Variants in C14orf39 observed in about 807,000 individuals in gnomAD.
C14orf39 encodes the protein chromosome 14 open reading frame 39, also known as protein SIX6OS1.
A neutral mutation model predicts 85.6 loss-of-function variants in C14orf39; 66 were observed. The observed-to-expected ratio is 0.77, with a 90% CI of 0.63 to 0.95. The LOEUF (loss-of-function observed/expected upper bound fraction) is 0.95. Among genes scored for constraint, C14orf39 ranks in the 40% least tolerant of loss-of-function variants. C14orf39 has a pLI of 0.00. For synonymous variants in C14orf39, 242 were observed against 214.0 expected (o/e 1.13, Z -1.14); for missense variants, 735 against 663.9 (o/e 1.11, Z -1.18).
At chr14:60,449,680 C>A (rs1890946292) in intron 16 of C14orf39, among the ~76,000 whole-genome samples, 1 of 151,888 alleles carries the variant, frequency 6.6e-6, no homozygotes, top group Non-Finnish European at 1.5e-5. Context: ...TTGTTAATTT[C>A]CTCTATTGTT....
chr14:60,488,659 A>G (rs1892940139), upstream of C14orf39, among the ~76,000 whole-genome samples: 1 of 152,122 alleles, frequency 6.6e-6, no homozygotes, highest in Admixed American at 6.5e-5. Flanking sequence ...TTTATTGCTT[A>G]ATTTATCTAA....
intron 1 of C14orf39, chr14:60,509,949 G>T: frequency 6.2e-7 from 1 of 1,607,012 alleles, no homozygotes; most frequent in Non-Finnish European, 8.5e-7. Flanking sequence ...CAAAGGGACC[G>T]AGCGGCTGCA....
intron 2 of C14orf39, among the ~76,000 whole-genome samples, chr14:60,497,101 T>C (rs1422910265): frequency 6.6e-6 from 1 of 152,226 alleles, no homozygotes; most frequent in African/African-American, 2.4e-5. Context: ...AATCCATCTT[T>C]ATGAACTTCT....
rs1893345986 is a variant in C14orf39, at chr14:60,515,111, G to A, written c.-144+284C>T. Reference sequence around the variant, plus strand: ...CGCGCTGGCCCGGGCGCCGAGGCGTGTCCCTGCCTGCGCCGCGCGGCTACC... The same window carrying A: ...CGCGCTGGCCCGGGCGCCGAGGCGTATCCCTGCCTGCGCCGCGCGGCTACC... On this transcript the variant is annotated intron_variant, in intron 1 of 5. Coordinates refer to the C14orf39 transcript ENST00000556799. This position sits in a 1 kb window ranked among gnomAD's most constrained non-coding sequence, Gnocchi z 6.2. The A allele has an allele frequency of 1.3e-5, 2 of 152,226 alleles. No homozygotes were observed. Among genetic ancestry groups the A allele is most frequent in the African/African-American group, 2.4e-5 (1 of 41,564 alleles). 9.4% of individuals were successfully genotyped at this position (152,226 alleles called of 1,614,324 possible). A position where few individuals can be genotyped will look rare whatever the true frequency, so the allele number is the denominator to read the frequency against.
intron 5 of C14orf39, among the ~76,000 whole-genome samples, chr14:60,475,192 G>C (rs1171211956): frequency 1.3e-5 from 2 of 152,122 alleles, no homozygotes; most frequent in African/African-American, 4.8e-5. Context: ...TTGCATAGAG[G>C]TGTTTATAGT....
intron 9 of C14orf39, among the ~76,000 whole-genome samples, chr14:60,467,432 T>C (rs553363098): frequency 2.0e-4 from 30 of 151,954 alleles, no homozygotes; most frequent in Non-Finnish European, 3.8e-4. Flanking sequence ...CCAACATGAA[T>C]ACAGAAATTG....
intron 1 of C14orf39, chr14:60,508,983 T>G (rs976177431): frequency 9.0e-6 from 2 of 223,460 alleles, no homozygotes; most frequent in Non-Finnish European, 1.8e-5. Flanking sequence ...CTCCAGGTTC[T>G]GCAAAATACT....
intron 16 of C14orf39, among the ~76,000 whole-genome samples, chr14:60,448,127 G>T (rs1890862502): frequency 1.3e-5 from 2 of 152,112 alleles, no homozygotes; most frequent in South Asian, 4.1e-4. Context: ...CAGGACACAG[G>T]CATGGCCGAG....
intron 17 of C14orf39, among the ~76,000 whole-genome samples, chr14:60,439,822 C>T (rs1317377359): frequency 6.6e-6 from 1 of 152,140 alleles, no homozygotes; most frequent in Non-Finnish European, 1.5e-5. Flanking sequence ...GCCTGTGATC[C>T]CAGCACTTTG....
intron 1 of C14orf39, among the ~76,000 whole-genome samples, chr14:60,503,097 G>A (rs942363444): frequency 3.3e-5 from 5 of 152,118 alleles, no homozygotes; most frequent in East Asian, 1.9e-4. Context: ...CAAGCTTTAC[G>A]ACACCTCAAG....
At chr14:60,447,023 T>C (rs1890796793) in intron 16 of C14orf39, among the ~76,000 whole-genome samples, 1 of 152,122 alleles carries the variant, frequency 6.6e-6, no homozygotes, top group Non-Finnish European at 1.5e-5. Context: ...AAACTCTCAA[T>C]AAACTAGGTA....
intron 2 of C14orf39, among the ~76,000 whole-genome samples, chr14:60,497,449 A>C (rs1042549893): frequency 1.3e-5 from 2 of 152,248 alleles, no homozygotes; most frequent in African/African-American, 4.8e-5. Flanking sequence ...ACAGTTTGTC[A>C]TAATGACTAT....
rs146507408 is a variant in C14orf39, at chr14:60,509,541, A to G, written c.-144+5854T>C. 3.1e-6 allele frequency: 5 copies of G among 1,610,248 alleles called. No individual in the cohort carries two copies. The highest frequency in any genetic ancestry group is 4.2e-6 in the Non-Finnish European group (5 of 1,179,994). ...GCCCCTGCGGCCTGCGAGGCCCTCA[A>G]CAAGAATGAGTCGGTGCTACGCGCA... On this transcript the variant is annotated intron_variant, in intron 1 of 5. Transcript: ENST00000556799.
rs1289009183 is a variant in C14orf39, at chr14:60,457,092, T to C, written c.1183A>G (p.Ile395Val). ...GACTTCCCAAAATGTTCAGTATATA[T>C]AGCCTGCAAATTCAAAGTAACAGAA... ...VRESKCTSQA[I>V]YTEHFGKSVE... The change falls in exon 15 of 18, where the codon ATA (isoleucine) becomes GTA (valine). Residue 395 changes from isoleucine to valine, a missense_variant. By Grantham distance (29) the Ile-to-Val change is conservative (BLOSUM62 3). Transcript: ENST00000321731. 10 of 1,546,922 alleles carry C rather than the reference T, an allele frequency of 6.5e-6. No individual in the cohort carries two copies. Among genetic ancestry groups the C allele is most frequent in the Admixed American group, 4.4e-5 (2 of 45,614 alleles).
chr14:60,511,111 T>A (rs765698334), intron 1 of C14orf39: 3 of 1,612,840 alleles, frequency 1.9e-6, no homozygotes, highest in Non-Finnish European at 2.5e-6. Context: ...TGTCACAGGG[T>A]TCCGGGCGGG....
intron 16 of C14orf39, among the ~76,000 whole-genome samples, chr14:60,452,253 A>T (rs1367515871): frequency 6.6e-6 from 1 of 152,126 alleles, no homozygotes; most frequent in Non-Finnish European, 1.5e-5. Context: ...AATAAAAAGC[A>T]AGAAATTAAA....
In C14orf39 at chr14:60,461,546, A is replaced by C. The variant is rs1446298963; in HGVS notation, c.1020T>G (p.Ile340Met). The C allele has an allele frequency of 2.5e-6, 4 of 1,589,174 alleles. No homozygotes were observed. The change falls in exon 12 of 18, where the codon ATT (isoleucine) becomes ATG (methionine). Residue 340 changes from isoleucine to methionine, a missense_variant. Physicochemically the swap from Ile to Met is conservative, Grantham distance 10. Transcript: ENST00000321731. ...ACTTTTGTGAACTTGTGATAGTCGTAATATGTGAACATTTTGAATGGTTAT... is the reference window on the plus strand; with the variant it reads ...ACTTTTGTGAACTTGTGATAGTCGTCATATGTGAACATTTTGAATGGTTAT... ...AVDNHSKCSH[I>M]TTITSSQKFM...
intron 2 of C14orf39, among the ~76,000 whole-genome samples, chr14:60,498,037 G>A (rs1893093523): frequency 6.6e-6 from 1 of 152,192 alleles, no homozygotes; most frequent in South Asian, 2.1e-4. Flanking sequence ...TTGTGTCACT[G>A]TATATGCCAC....
chr14:60,464,982 A>C (rs754845213), intron 11 of C14orf39, among the ~76,000 whole-genome samples: 1 of 152,102 alleles, frequency 6.6e-6, no homozygotes, highest in African/African-American at 2.4e-5. Context: ...TTTTAAAACT[A>C]ACACATTCCA....
Sources: allele counts gnomAD v4.1 joint callset (sites outside exome capture counted in the v4.1 genomes callset), GRCh38; gene constraint gnomAD v4.1.1; non-coding constraint Gnocchi (gnomAD v3.1); transcripts MANE v1.5; gene names NCBI Gene and HGNC (gene_info 2026-07-23, HGNC 2026-07-21).